Variants in PAM observed in about 807,000 individuals in gnomAD.
The protein encoded by PAM is peptidylglycine alpha-amidating monooxygenase.
Under a neutral mutation model 122.1 loss-of-function variants are expected in PAM, and 72 were observed. The ratio of observed to expected loss-of-function variants is 0.59; its 90% CI spans 0.49 to 0.72. The LOEUF (loss-of-function observed/expected upper bound fraction) is 0.72. Among genes scored for constraint, PAM ranks in the 30% least tolerant of loss-of-function variants. PAM has a pLI of 0.00. For missense variants in PAM, 1,106 were observed against 1,183.7 expected, an observed-to-expected ratio of 0.93 and a Z score of 0.96; for synonymous variants, 389 against 404.4, an observed-to-expected ratio of 0.96 and a Z score of 0.46.
Position 102,940,779 on chromosome 5 carries a change from G to T in PAM, c.527-6058G>T, listed in dbSNP as rs1754937480. On this transcript the variant is annotated intron_variant, in intron 7 of 25. Coordinates refer to ENST00000438793, the MANE Select transcript of PAM (RefSeq NM_001177306.2). The stretch of plus-strand genomic sequence containing the variant: ...ATATGGTATATACATAAATATAAAG[G>T]TTTAAAACTTAATGCCTCAGGAAGG... Among the ~76,000 whole-genome samples, 3 of 151,910 alleles carry T rather than the reference G, an allele frequency of 2.0e-5. No homozygotes were observed. In the South Asian group the frequency reaches 6.2e-4, roughly 32 times the overall value.
intron 7 of PAM, among the ~76,000 whole-genome samples, chr5:102,935,724 C>G (rs1374603206): frequency 6.6e-6 from 1 of 152,120 alleles, no homozygotes; most frequent in Non-Finnish European, 1.5e-5. Context: ...CTTAAACAGA[C>G]TCCTTATAAT....
chr5:102,974,976 T>C (rs1767135055), intron 15 of PAM: 1 of 152,352 alleles, frequency 6.6e-6, no homozygotes, highest in African/African-American at 2.4e-5. Context: ...AATTGGAAAG[T>C]TGAGTATTTC....
At chr5:102,911,151 A>C (rs573227713) in intron 4 of PAM, among the ~76,000 whole-genome samples, 1 of 152,136 alleles carries the variant, frequency 6.6e-6, no homozygotes, top group East Asian at 1.9e-4. Flanking sequence ...TGCTGGAGGT[A>C]GTTTTCATTT....
intron 4 of PAM, among the ~76,000 whole-genome samples, chr5:102,902,375 A>G (rs1798224494): frequency 6.6e-6 from 1 of 151,600 alleles, no homozygotes; most frequent in East Asian, 2.0e-4. Flanking sequence ...GGCAATTACA[A>G]CAGCAAATAC....
In PAM at chr5:103,028,311, G is replaced by A. The variant is rs1048930307; in HGVS notation, c.2743+73G>A. 4.7e-6 allele frequency: 5 copies of A among 1,057,286 alleles called. No individual in the cohort carries two copies. In the East Asian group the frequency reaches 1.2e-4, roughly 26 times the overall value. 65.5% of individuals were successfully genotyped at this position (1,057,286 alleles called of 1,614,324 possible). ...CAAGCACATGTCTTTTAAAAAGCAA[G>A]GAGATATTTCATATTTTGTCTCTGA... On this transcript the variant is annotated intron_variant, in intron 25 of 25. Coordinates refer to ENST00000438793, the MANE Select transcript of PAM (RefSeq NM_001177306.2).
At chr5:102,949,716 T>A in intron 10 of PAM, 99 bp downstream of exon 10, 1 of 758,704 alleles carries the variant, frequency 1.3e-6, no homozygotes, top group Non-Finnish European at 2.3e-6. Context: ...TCTGTTTCAA[T>A]GAAAGTGATT....
intron 4 of PAM, among the ~76,000 whole-genome samples, chr5:102,903,038 T>C (rs1399236530): frequency 1.3e-5 from 2 of 151,580 alleles, no homozygotes; most frequent in East Asian, 3.9e-4. Flanking sequence ...AAGTAAAATA[T>C]TCACAGGAAA....
At chr5:102,950,613 C>T (rs375806154) in intron 11 of PAM, 104 bp from the exon 12 acceptor site, 2 of 695,170 alleles carry the variant, frequency 2.9e-6, no homozygotes, top group Non-Finnish European at 5.1e-6. Context: ...TGATTAAACC[C>T]TCAAAAAAGG....
At chr5:102,800,370 C>T (rs777852892) in intron 1 of PAM, among the ~76,000 whole-genome samples, 7 of 152,170 alleles carry the variant, frequency 4.6e-5, no homozygotes, top group Non-Finnish European at 8.8e-5. Flanking sequence ...TGCATGTATA[C>T]GAAATTGTAA....
chr5:102,792,704 A>G, intron 1 of PAM, among the ~76,000 whole-genome samples: 1 of 152,202 alleles, frequency 6.6e-6, no homozygotes, highest in East Asian at 1.9e-4. Flanking sequence ...GAACCCTGAA[A>G]CCATCATTTT....
intron 7 of PAM, among the ~76,000 whole-genome samples, chr5:102,933,554 A>G (rs1752277890): frequency 6.6e-6 from 1 of 152,248 alleles, no homozygotes; most frequent in South Asian, 2.1e-4. Flanking sequence ...TATTCACACA[A>G]ATACACATGT....
intron 1 of PAM, among the ~76,000 whole-genome samples, chr5:102,813,265 A>G (rs2150219977): frequency 6.6e-6 from 1 of 152,304 alleles, no homozygotes; most frequent in South Asian, 2.1e-4. Flanking sequence ...GAGATTTTGA[A>G]TCTTTCTTGG....
At chr5:102,946,795 C>T (rs755131216) in intron 7 of PAM, 42 bp from the exon 8 acceptor site, 5 of 1,233,472 alleles carry the variant, frequency 4.1e-6, no homozygotes, top group Non-Finnish European at 5.9e-6. Flanking sequence ...CCATTTTCTA[C>T]ATTATCATAT....
chr5:103,025,256 A>G lies in PAM; in HGVS notation c.2611A>G (p.Thr871Ala). 4 of 1,613,680 alleles carry G rather than the reference A, an allele frequency of 2.5e-6. No individual in the cohort carries two copies. Among genetic ancestry groups the G allele is most frequent in the Non-Finnish European group, 3.4e-6 (4 of 1,179,736 alleles). The stretch of plus-strand genomic sequence containing the variant: ...GGGAGTGCCTGTTGTTCTCATTACA[A>G]CCCTTCTGGTTATTCCGGTGGTTGT... ...GSGVPVVLIT[T>A]LLVIPVVVLL... The change falls in exon 24 of 26, where the codon ACC (threonine) becomes GCC (alanine). Residue 871 changes from threonine (T) to alanine (A), a missense_variant. By Grantham distance (58) the Thr-to-Ala change is moderately conservative. This residue lies in a region of PAM where 333 missense variants were observed against 335.6 expected (regional missense o/e 0.99). Coordinates refer to ENST00000438793, the MANE Select transcript of PAM (RefSeq NM_001177306.2).
chr5:102,936,376 T>G (rs986326479), intron 7 of PAM, among the ~76,000 whole-genome samples: 15 of 152,108 alleles, frequency 9.9e-5, no homozygotes, highest in African/African-American at 3.6e-4. Flanking sequence ...CCCCAAAAAT[T>G]TAGGACATAT....
At chr5:102,840,128 CAATTA>C (rs1297834214) in intron 1 of PAM, among the ~76,000 whole-genome samples, 1 of 151,946 alleles carries the variant, frequency 6.6e-6, no homozygotes, top group Non-Finnish European at 1.5e-5. Context: ...AATTAATGTA[CAATTA>C]AATTAATACA....
intron 20 of PAM, 139 bp from the exon 21 acceptor site, chr5:103,009,612 A>T (rs891652327): frequency 2.6e-5 from 15 of 568,492 alleles, no homozygotes; most frequent in Non-Finnish European, 4.5e-5. Flanking sequence ...GACACTAAGT[A>T]TTTTATATTC....
At chr5:102,781,599 G>C (rs902200155) in intron 1 of PAM, among the ~76,000 whole-genome samples, 2 of 152,138 alleles carry the variant, frequency 1.3e-5, no homozygotes, top group African/African-American at 2.4e-5. Flanking sequence ...GTGCTGCTCA[G>C]CCAGGCTATA....
chr5:102,881,986 C>T (rs1483392102), intron 3 of PAM, among the ~76,000 whole-genome samples: 1 of 143,640 alleles, frequency 7.0e-6, no homozygotes, highest in Non-Finnish European at 1.5e-5. Flanking sequence ...GTCTCCAGTT[C>T]CATCCAGGTT....
Sources: allele counts gnomAD v4.1 joint callset (sites outside exome capture counted in the v4.1 genomes callset), GRCh38; gene constraint gnomAD v4.1.1; regional missense constraint gnomAD v4.1.1; transcripts MANE v1.5; gene names NCBI Gene and HGNC (gene_info 2026-07-23, HGNC 2026-07-21).